The following MTUS2 variants were observed in gnomAD, a reference collection of about 807,000 sequenced individuals.
The protein encoded by MTUS2 is microtubule associated scaffold protein 2, also known as microtubule-associated tumor suppressor candidate 2.
In MTUS2, 40 loss-of-function variants were observed where a neutral mutation model predicts 114.1. That is an observed-to-expected ratio of 0.35 (90% CI 0.27 to 0.46). The LOEUF (loss-of-function observed/expected upper bound fraction) is 0.46, where lower values mean the gene tolerates loss of function less well. MTUS2 is among the 20% of genes least tolerant of loss of function. The probability of loss-of-function intolerance (pLI) is 1.00; values close to 1 mark genes in which losing one functional copy is unlikely to be tolerated. For synonymous variants in MTUS2, 688 were observed against 672.0 expected, an observed-to-expected ratio of 1.02 and a Z score of -0.37; for missense variants, 1,679 against 1,705.4, an observed-to-expected ratio of 0.98 and a Z score of 0.27.
intron 5 of MTUS2, among the ~76,000 whole-genome samples, chr13:29,210,248 TTAAG>T (rs2139277846): frequency 6.6e-6 from 1 of 152,198 alleles, no homozygotes; most frequent in South Asian, 2.1e-4. Flanking sequence ...TTGTGTTTCT[TTAAG>T]TGTGTCCTTC....
At chr13:29,062,486 G>A (rs1173093050) in intron 4 of MTUS2, among the ~76,000 whole-genome samples, 1 of 152,152 alleles carries the variant, frequency 6.6e-6, no homozygotes, top group Non-Finnish European at 1.5e-5. Flanking sequence ...AAGAGCTGGA[G>A]ACAGAAACAG....
At position 29,233,947 on chromosome 13, in the gene MTUS2, T is replaced by C. The variant is rs75481397; in HGVS notation, c.2645-47757T>C. Among the ~76,000 whole-genome samples the C allele has an allele frequency of 5.7e-3, 874 of 152,306 alleles. 6 individuals carry two copies. Among genetic ancestry groups the C allele is most frequent in the African/African-American group, 0.02 (825 of 41,576 alleles). ...GGGAAGTAACAGACAATTATTTTTG[T>C]AGCTGCTTCTCAAAAGAGAAGCTAC... On this transcript the variant is annotated intron_variant, in intron 5 of 15. Coordinates refer to ENST00000612955, the MANE Select transcript of MTUS2 (RefSeq NM_001033602.4).
chr13:29,318,833 G>A (rs1566127705), intron 6 of MTUS2, among the ~76,000 whole-genome samples: 1 of 152,138 alleles, frequency 6.6e-6, no homozygotes, highest in African/African-American at 2.4e-5. Flanking sequence ...ACCCCTGTAG[G>A]CTTTTGAGAT....
At chr13:29,206,950 G>A (rs1023191199) in intron 5 of MTUS2, among the ~76,000 whole-genome samples, 1 of 152,084 alleles carries the variant, frequency 6.6e-6, no homozygotes, top group African/African-American at 2.4e-5. Flanking sequence ...GAAGAATGAT[G>A]GCGGTATTTT....
chr13:29,101,825 T>G (rs895099791), intron 5 of MTUS2, among the ~76,000 whole-genome samples: 4 of 152,050 alleles, frequency 2.6e-5, no homozygotes, highest in African/African-American at 9.7e-5. Flanking sequence ...GAGAGAGAGA[T>G]CGATTGATTT....
intron 9 of MTUS2, among the ~76,000 whole-genome samples, chr13:29,464,663 C>T (rs1234307291): frequency 6.6e-6 from 1 of 152,170 alleles, no homozygotes; most frequent in Non-Finnish European, 1.5e-5. Context: ...AGTGCAGACT[C>T]TCAGATTCCA....
Position 29,033,956 on chromosome 13 carries a change from C to A in MTUS2, c.2277C>A (p.Phe759Leu). ...CTCATTATGAAGTCCCTCCAACTTT[C>A]TATCGGTCAGCCATGCTCCTTAAGC... is the stretch of plus-strand genomic sequence containing the variant. ...PYAHYEVPPT[F>L]YRSAMLLKPQ... Residue 759 changes from phenylalanine to leucine, a missense_variant, in exon 4 of 16, where the codon TTC (phenylalanine) becomes TTA (leucine). By Grantham distance (22) the Phe-to-Leu change is conservative. This residue lies in a region of MTUS2 where 822 missense variants were observed against 899.7 expected (regional missense o/e 0.91). Transcript: ENST00000612955. 6.2e-7 allele frequency: 1 copy of A among 1,614,008 alleles called. No individual in the cohort carries two copies. Among genetic ancestry groups the A allele is most frequent in the Non-Finnish European group, 8.5e-7 (1 of 1,179,888 alleles).
intron 5 of MTUS2, among the ~76,000 whole-genome samples, chr13:29,214,114 C>G (rs1358210072): frequency 6.6e-6 from 1 of 151,500 alleles, no homozygotes; most frequent in Admixed American, 6.6e-5. Flanking sequence ...CCATCTCTTT[C>G]CTGGCATTTG....
At chr13:29,326,216 C>T (rs949635529) in intron 7 of MTUS2, among the ~76,000 whole-genome samples, 1 of 152,178 alleles carries the variant, frequency 6.6e-6, no homozygotes, top group Non-Finnish European at 1.5e-5. Flanking sequence ...AGCCCTCCCC[C>T]AGGAACCTTT....
chr13:28,876,582 A>T (rs939035207), intron 2 of MTUS2, among the ~76,000 whole-genome samples: 1 of 152,196 alleles, frequency 6.6e-6, no homozygotes, highest in Non-Finnish European at 1.5e-5. Flanking sequence ...ATCGAGGAAG[A>T]TCTTTTCCAA....
intron 5 of MTUS2, among the ~76,000 whole-genome samples, chr13:29,254,407 T>C (rs1897228905): frequency 6.6e-6 from 1 of 152,216 alleles, no homozygotes; most frequent in Admixed American, 6.5e-5. Flanking sequence ...CAAAAATACT[T>C]TCTGCAGGAA....
intron 5 of MTUS2, among the ~76,000 whole-genome samples, chr13:29,271,449 G>T (rs1327957542): frequency 7.9e-5 from 12 of 152,092 alleles, no homozygotes; most frequent in Admixed American, 7.2e-4. Context: ...CTCCTTCACA[G>T]TTTTTCCCTG....
chr13:29,024,566 A>G lies in MTUS2; in HGVS notation c.-133A>G. The G allele has an allele frequency of 9.6e-7, 1 of 1,043,098 alleles. No individual in the cohort carries two copies. Among genetic ancestry groups the G allele is most frequent in the South Asian group, 1.6e-5 (1 of 62,542 alleles). 64.6% of individuals were successfully genotyped at this position (1,043,098 alleles called of 1,614,324 possible). A position where few individuals can be genotyped will look rare whatever the true frequency, so the allele number is the denominator to read the frequency against. On this transcript the variant is annotated 5_prime_UTR_variant, in exon 3 of 16. Coordinates refer to ENST00000612955, the MANE Select transcript of MTUS2 (RefSeq NM_001033602.4). The stretch of plus-strand genomic sequence containing the variant: ...AAGCTGTTCTGAGAATGATTAAAGC[A>G]GTGTCGCAAGGTGACATTGTCAGGG...
intron 4 of MTUS2, among the ~76,000 whole-genome samples, chr13:29,073,029 T>G (rs561482251): frequency 3.7e-4 from 57 of 152,332 alleles, no homozygotes; most frequent in Admixed American, 5.9e-4. Flanking sequence ...ATTTCCCTTC[T>G]ATGACATTGG....
chr13:28,841,647 T>C (rs1267826484), intron 2 of MTUS2, among the ~76,000 whole-genome samples: 1 of 151,806 alleles, frequency 6.6e-6, no homozygotes, highest in East Asian at 1.9e-4. Context: ...TTTGTGGTGA[T>C]GCAAAGTTAG....
At chr13:29,061,474 A>G (rs1888414738) in intron 4 of MTUS2, among the ~76,000 whole-genome samples, 1 of 152,160 alleles carries the variant, frequency 6.6e-6, no homozygotes, top group African/African-American at 2.4e-5. Context: ...TTGTTAAATT[A>G]TGCATGCAGA....
intron 2 of MTUS2, among the ~76,000 whole-genome samples, chr13:29,000,837 C>G (rs368671796): frequency 2.6e-5 from 4 of 152,320 alleles, no homozygotes; most frequent in African/African-American, 7.2e-5. Flanking sequence ...ATTGTCTTCT[C>G]TTTACTGCAT....
At chr13:28,840,510 C>A (rs1306679041) in intron 2 of MTUS2, among the ~76,000 whole-genome samples, 2 of 152,214 alleles carry the variant, frequency 1.3e-5, no homozygotes, top group Non-Finnish European at 2.9e-5. Flanking sequence ...TAGAACAAGA[C>A]ATTTTATTGC....
At chr13:29,460,419 G>A (rs73446109) in intron 9 of MTUS2, among the ~76,000 whole-genome samples, 9,739 of 152,076 alleles carry the variant, frequency 0.064, 351 homozygotes, top group African/African-American at 0.085. Context: ...GTCCTAAAGC[G>A]CAGGCATCAG....
Sources: allele counts gnomAD v4.1 joint callset (sites outside exome capture counted in the v4.1 genomes callset), GRCh38; gene constraint gnomAD v4.1.1; regional missense constraint gnomAD v4.1.1; transcripts MANE v1.5; gene names NCBI Gene and HGNC (gene_info 2026-07-23, HGNC 2026-07-21).